Variants in PANK4 observed in about 807,000 individuals in gnomAD.
PANK4 encodes 4'-phosphopantetheine phosphatase.
Under a neutral mutation model 87.9 loss-of-function variants are expected in PANK4, and 40 were observed. The ratio of observed to expected loss-of-function variants is 0.46; its 90% CI spans 0.35 to 0.59. The LOEUF is 0.59. Ranked by LOEUF, PANK4 falls within the 20% of genes least tolerant of loss-of-function variation. PANK4 has a pLI of 0.00. For synonymous variants in PANK4, 524 were observed against 467.4 expected (o/e 1.12, Z -1.56); for missense variants, 926 against 1,072.3 (o/e 0.86, Z 1.90).
chr1:2,514,577 T>TTTGGGGCAGGGTGGGGG (rs1643727711), intron 10 of PANK4, 111 bp from the exon 11 acceptor site: 1 of 262,458 alleles, frequency 3.8e-6, no homozygotes, highest in African/African-American at 9.9e-5. Flanking sequence ...TGGGGGACTG[T>TTTGGGGCAGGGTGGGGG]CTGGGGCAGG....
chr1:2,513,152 G>T, intron 12 of PANK4, 113 bp from the exon 13 acceptor site: 1 of 1,143,708 alleles, frequency 8.7e-7, no homozygotes, highest in Non-Finnish European at 1.2e-6. Flanking sequence ...GAAGACTCAG[G>T]CCCAACTGGG....
intron 12 of PANK4, 114 bp downstream of exon 12, chr1:2,513,888 T>A: frequency 8.6e-6 from 7 of 811,546 alleles, no homozygotes; most frequent in South Asian, 8.2e-5. Context: ...CTACCAAACC[T>A]GCATGGCCTC....
chr1:2,525,097 A>G (rs1643908839), intron 1 of PANK4, among the ~76,000 whole-genome samples: 1 of 151,916 alleles, frequency 6.6e-6, no homozygotes. Flanking sequence ...TTCCATTCTC[A>G]TCGCCCCCCA....
intron 12 of PANK4, among the ~76,000 whole-genome samples, chr1:2,513,758 T>C (rs930320689): frequency 8.5e-5 from 13 of 152,168 alleles, no homozygotes; most frequent in Non-Finnish European, 1.8e-4. Flanking sequence ...CCTTCTTCTC[T>C]AGTCACAGCA....
At chr1:2,525,191 C>G (rs1392237764) in intron 1 of PANK4, among the ~76,000 whole-genome samples, 1 of 152,168 alleles carries the variant, frequency 6.6e-6, no homozygotes, top group Non-Finnish European at 1.5e-5. Flanking sequence ...CAGCAGCAAA[C>G]ATGTCAGATG....
rs1318399322 is a variant in PANK4, at chr1:2,520,510, G to A, written c.607-96C>T. 2.8e-5 allele frequency: 22 copies of A among 781,578 alleles called. No homozygotes were observed. In the African/African-American group the frequency reaches 5.7e-4, roughly 20 times the overall value. The allele number at this position is 781,578 out of a possible 1,614,324, so 48.4% of individuals were successfully genotyped here. ...CATGTGCTGCGCTGGGGTGAACCCC[G>A]CCCCCACCCCAACCGCCAGTGGGAG... is the stretch of plus-strand genomic sequence containing the variant. On this transcript the variant is annotated intron_variant, in intron 4 of 18. Transcript: ENST00000378466. This position sits in a 1 kb window ranked among gnomAD's most constrained non-coding sequence, Gnocchi z 6.2.
In PANK4 at chr1:2,512,869, C is replaced by T. The variant is rs554182384; in HGVS notation, c.1727+19G>A. 3.5e-5 allele frequency: 56 copies of T among 1,611,796 alleles called. No individual in the cohort carries two copies. Among genetic ancestry groups the T allele is most frequent in the Non-Finnish European group, 4.4e-5 (52 of 1,179,092 alleles). On this transcript the variant is annotated intron_variant, in intron 13 of 18. Transcript: ENST00000378466. Reference sequence around the variant, plus strand: ...CACCCACAGGCTGCAGAGCCTGCTCCGAGCCCGCAGACACCTACGCAGACA... The same window carrying T: ...CACCCACAGGCTGCAGAGCCTGCTCTGAGCCCGCAGACACCTACGCAGACA...
chr1:2,523,724 G>C (rs1643897151), intron 1 of PANK4, among the ~76,000 whole-genome samples: 1 of 152,246 alleles, frequency 6.6e-6, no homozygotes, highest in Non-Finnish European at 1.5e-5. Context: ...TGAGGCGCGA[G>C]GGGCACGCAC....
chr1:2,514,114 G>GC, intron 11 of PANK4, 25 bp from the exon 12 acceptor site: 1 of 1,577,700 alleles, frequency 6.3e-7, no homozygotes, highest in Non-Finnish European at 8.7e-7. Context: ...GGCAGAGGGC[G>GC]CTGAGCAGGG....
chr1:2,512,783 G>T, intron 13 of PANK4, 105 bp downstream of exon 13: 3 of 1,152,546 alleles, frequency 2.6e-6, no homozygotes, highest in South Asian at 1.3e-5. Flanking sequence ...GCCACCAAGC[G>T]CCACGTGACC....
intron 1 of PANK4, among the ~76,000 whole-genome samples, chr1:2,523,884 C>T (rs904868985): frequency 1.3e-5 from 2 of 152,230 alleles, no homozygotes; most frequent in African/African-American, 2.4e-5. Flanking sequence ...TGCCCGCGCT[C>T]GGCCCTGAGG....
At position 2,521,782 on chromosome 1, in the gene PANK4, A is replaced by T. The variant is rs1259086078; in HGVS notation, c.143T>A (p.Leu48Gln). 6.2e-7 allele frequency: 1 copy of T among 1,613,852 alleles called. No homozygotes were observed. The highest frequency in any genetic ancestry group is 8.5e-7 in the Non-Finnish European group (1 of 1,179,984). The change falls in exon 2 of 19, where the codon CTG becomes CAG. Residue 48 changes from leucine to glutamine, a missense_variant. Leu to Gln is a moderately radical substitution (Grantham distance 113, BLOSUM62 -2). Transcript: ENST00000378466. ...AIDIGGSLTK[L>Q]AYYSTVQHKV... Reference sequence around the variant, plus strand: ...GTGCTGTACCGTTGAATAGTAGGCCAGCTTGGTTAACGACCCGCCTGCAGG... The same window carrying T: ...GTGCTGTACCGTTGAATAGTAGGCCTGCTTGGTTAACGACCCGCCTGCAGG...
Position 2,520,966 on chromosome 1 carries a change from A to G in PANK4, c.423-60T>C. ...GGCCACAGACAGGTGCAACCATGCA[A>G]GCCTGCCTGGTCCGAAGGGGCAGCC... On this transcript the variant is annotated intron_variant, in intron 3 of 18. Coordinates refer to ENST00000378466, the MANE Select transcript of PANK4 (RefSeq NM_018216.4). This position sits in a 1 kb window ranked among gnomAD's most constrained non-coding sequence, Gnocchi z 6.2. 6.6e-7 allele frequency: 1 copy of G among 1,526,516 alleles called. No homozygotes were observed. The highest frequency in any genetic ancestry group is 8.9e-7 in the Non-Finnish European group (1 of 1,126,502). The allele number at this position is 1,526,516 out of a possible 1,614,324, so 94.6% of individuals were successfully genotyped here. A position where few individuals can be genotyped will look rare whatever the true frequency, so the allele number is the denominator to read the frequency against.
chr1:2,514,628 G>A (rs1030093844), intron 10 of PANK4, among the ~76,000 whole-genome samples, 162 bp from the exon 11 acceptor site: 12 of 142,064 alleles, frequency 8.4e-5, no homozygotes, highest in African/African-American at 3.2e-4. Flanking sequence ...GGTGGGAGCC[G>A]GCTGTCGGGG....
intron 1 of PANK4, among the ~76,000 whole-genome samples, chr1:2,524,542 T>TA (rs1217827162): frequency 1.3e-5 from 2 of 152,242 alleles, no homozygotes; most frequent in East Asian, 3.9e-4. Flanking sequence ...ACAGACCTCT[T>TA]AGAGTATCCT....
chr1:2,511,186 G>A (rs1204327867), intron 15 of PANK4, 152 bp downstream of exon 15: 3 of 667,016 alleles, frequency 4.5e-6, no homozygotes, highest in Non-Finnish European at 8.1e-6. Context: ...GTGTGGGGCA[G>A]GGGATGCTGA....
intron 9 of PANK4, among the ~76,000 whole-genome samples, chr1:2,516,280 C>T (rs1163489874): frequency 6.6e-5 from 10 of 152,234 alleles, no homozygotes; most frequent in African/African-American, 2.4e-4. Flanking sequence ...TCCATGGCTG[C>T]CGGGCCTCCC....
Position 2,518,531 on chromosome 1 carries a change from C to T in PANK4, c.1102G>A (p.Gly368Arg). 6.4e-7 allele frequency: 1 copy of T among 1,568,244 alleles called. No individual in the cohort carries two copies. Among genetic ancestry groups the T allele is most frequent in the Non-Finnish European group, 8.6e-7 (1 of 1,156,366 alleles). Reference sequence around the variant, plus strand: ...CGCGACTCACTGTCCTGCTCAGCTCCTTTCAGGAACGCTCCGATGGCTCCC... The same window carrying T: ...CGCGACTCACTGTCCTGCTCAGCTCTTTTCAGGAACGCTCCGATGGCTCCC... The part of the protein sequence containing the change: ...YLGAIGAFLK[G>R]AEQDNPNQYS... Residue 368 changes from glycine (G) to arginine (R), a missense_variant, in exon 8 of 19, where the codon GGA becomes AGA. Gly to Arg is a moderately radical substitution (Grantham distance 125). Transcript: ENST00000378466.
At position 2,526,463 on chromosome 1, in the gene PANK4, C is replaced by T; in HGVS notation, c.124+1G>A. ...GCGCCCGGCGCCCGGCCTGCGGCTA[C>T]CTATGTCGATGGCGAAGCGCTTGGC... On this transcript the variant is annotated splice_donor_variant, in intron 1 of 18. Coordinates refer to ENST00000378466, the MANE Select transcript of PANK4 (RefSeq NM_018216.4). LOFTEE classifies it high-confidence loss of function. The T allele has an allele frequency of 6.5e-7, 1 of 1,540,842 alleles. No individual in the cohort carries two copies. The highest frequency in any genetic ancestry group is 8.7e-7 in the Non-Finnish European group (1 of 1,144,958).
Sources: gnomAD v4.1 joint callset for allele counts (sites outside exome capture counted in the v4.1 genomes callset) on GRCh38, gnomAD v4.1.1 for gene constraint, Gnocchi (gnomAD v3.1) non-coding constraint, MANE v1.5 for transcripts, NCBI Gene and HGNC (gene_info 2026-07-23, HGNC 2026-07-21) for gene names.